FHIT: variants seen among roughly 807,000 people sequenced by gnomAD.
FHIT encodes the protein fragile histidine triad diadenosine triphosphatase.
FHIT carries 19 observed loss-of-function variants against 17.9 expected under a neutral mutation model. That is an observed-to-expected ratio of 1.06 (90% confidence interval 0.74 to 1.56). The LOEUF is 1.56. FHIT is among the 40% of genes most tolerant of loss of function. The pLI, the probability that FHIT is intolerant of heterozygous loss-of-function variation, is 0.00. For missense variants in FHIT, 248 were observed against 189.2 expected (o/e 1.31, Z -1.82); for synonymous variants, 81 against 69.7 (o/e 1.16, Z -0.81).
intron 2 of FHIT, among the ~76,000 whole-genome samples, chr3:61,106,045 C>A (rs746315456): frequency 4.6e-5 from 7 of 152,226 alleles, no homozygotes; most frequent in East Asian, 1.9e-4. Context: ...AGCTTTGGAA[C>A]CCCCTGATTA....
intron 7 of FHIT, among the ~76,000 whole-genome samples, chr3:60,010,792 C>T (rs982316459): frequency 4.6e-5 from 7 of 152,142 alleles, no homozygotes; most frequent in African/African-American, 1.7e-4. Context: ...CACTTAAAAA[C>T]CCATCTTTGA....
intron 5 of FHIT, among the ~76,000 whole-genome samples, chr3:60,491,419 GA>G (rs148375821): frequency 2.4e-4 from 35 of 145,128 alleles, no homozygotes; most frequent in Admixed American, 1.0e-3. Context: ...TAAACTGGGT[GA>G]AAAAAAAAAG....
rs372642685 is a variant in FHIT, at chr3:60,769,280, AG to A, written c.-18+52638del. On this transcript the variant is annotated intron_variant, in intron 4 of 9. Coordinates refer to ENST00000492590, the MANE Select transcript of FHIT (RefSeq NM_002012.4). ...CAGGCTGCAGAATGTTCTCTTAACT[AG>A]TGATTAATTATAGTGCTATTTTCCC... is the stretch of plus-strand genomic sequence containing the variant. Among the ~76,000 whole-genome samples, 817 of 152,242 alleles carry A rather than the reference AG, an allele frequency of 5.4e-3. 8 individuals carry two copies. The highest frequency in any genetic ancestry group is 0.018 in the African/African-American group (765 of 41,542).
At chr3:60,689,736 T>C (rs1220606798) in intron 4 of FHIT, among the ~76,000 whole-genome samples, 1 of 152,158 alleles carries the variant, frequency 6.6e-6, no homozygotes, top group Non-Finnish European at 1.5e-5. Context: ...AGTCTACCCC[T>C]AGAAAAATGA....
chr3:60,313,483 AT>A (rs1366104652), intron 5 of FHIT, among the ~76,000 whole-genome samples: 2 of 152,174 alleles, frequency 1.3e-5, no homozygotes, highest in African/African-American at 4.8e-5. Context: ...ACAAGATTCC[AT>A]CACCTATAAC....
At chr3:60,048,651 G>A (rs1272679986) in intron 5 of FHIT, among the ~76,000 whole-genome samples, 1 of 152,178 alleles carries the variant, frequency 6.6e-6, no homozygotes, top group African/African-American at 2.4e-5. Context: ...TCTGCTTTAT[G>A]AGGGCTTAAT....
rs116608253 is a variant in FHIT, at chr3:60,019,322, G to C, written c.104-5170C>G. ...TCAAAAGGGATATGGACACTAGGAA[G>C]TTCCAGGGATGTTTAAAAATTAACA... On this transcript the variant is annotated intron_variant, in intron 5 of 9. Transcript: ENST00000492590. 2.6e-3 allele frequency among the ~76,000 whole-genome samples: 389 copies of C among 151,978 alleles called. 2 individuals are homozygous for C. The highest frequency in any genetic ancestry group is 8.8e-3 in the African/African-American group (367 of 41,476).
chr3:60,172,655 G>A (rs1701472910), intron 5 of FHIT, among the ~76,000 whole-genome samples: 1 of 152,132 alleles, frequency 6.6e-6, no homozygotes, highest in Admixed American at 6.5e-5. Context: ...GGAAAGAACA[G>A]CAGGAACAGA....
chr3:59,869,746 A>G, intron 8 of FHIT, among the ~76,000 whole-genome samples: 1 of 151,280 alleles, frequency 6.6e-6, no homozygotes, highest in East Asian at 1.9e-4. Context: ...TCGGCCTCCC[A>G]AAGTGCTGGG....
At chr3:60,390,514 T>C (rs1435258027) in intron 5 of FHIT, among the ~76,000 whole-genome samples, 3 of 150,350 alleles carry the variant, frequency 2.0e-5, no homozygotes, top group Non-Finnish European at 2.9e-5. Flanking sequence ...GAAATAAAAA[T>C]GTAAAACGGC....
chr3:60,602,057 T>C (rs909791348), intron 4 of FHIT, among the ~76,000 whole-genome samples: 7 of 113,682 alleles, frequency 6.2e-5, no homozygotes, highest in East Asian at 1.9e-4. Flanking sequence ...GGAAGACAGA[T>C]AGAGTAAGCC....
intron 2 of FHIT, among the ~76,000 whole-genome samples, chr3:61,069,799 C>G (rs1225818813): frequency 1.3e-5 from 2 of 152,170 alleles, no homozygotes; most frequent in East Asian, 3.9e-4. Flanking sequence ...TGAACAAAGT[C>G]CTCTTCAAAA....
At chr3:60,789,317 T>C (rs892150237) in intron 4 of FHIT, among the ~76,000 whole-genome samples, 3 of 151,980 alleles carry the variant, frequency 2.0e-5, no homozygotes, top group South Asian at 2.1e-4. Flanking sequence ...AAGAGATCGA[T>C]ACCATCCTGG....
chr3:60,446,779 G>C (rs371933713), intron 5 of FHIT, among the ~76,000 whole-genome samples: 1 of 151,634 alleles, frequency 6.6e-6, no homozygotes, highest in Admixed American at 6.6e-5. Context: ...CTTGAGCCCA[G>C]GAGTTTGAGG....
chr3:60,476,749 T>C (rs1196252017), intron 5 of FHIT, among the ~76,000 whole-genome samples: 1 of 152,112 alleles, frequency 6.6e-6, no homozygotes, highest in East Asian at 1.9e-4. Flanking sequence ...GCTGACCATT[T>C]ATAAGGCGCA....
At chr3:59,795,160 C>A (rs1041223417) in intron 8 of FHIT, among the ~76,000 whole-genome samples, 1 of 152,032 alleles carries the variant, frequency 6.6e-6, no homozygotes, top group East Asian at 1.9e-4. Context: ...CTGAGGCATG[C>A]GGATTACTTG....
chr3:60,217,648 T>G (rs1239390799), intron 5 of FHIT, among the ~76,000 whole-genome samples: 1 of 152,122 alleles, frequency 6.6e-6, no homozygotes, highest in Non-Finnish European at 1.5e-5. Flanking sequence ...GGTCCCAGCT[T>G]CTCTCTGGCT....
At chr3:61,076,888 T>C (rs2034989211) in intron 2 of FHIT, among the ~76,000 whole-genome samples, 5 of 152,216 alleles carry the variant, frequency 3.3e-5, no homozygotes, top group Admixed American at 3.3e-4. Context: ...CTTTTGGTTC[T>C]TCATTCATTT....
intron 5 of FHIT, among the ~76,000 whole-genome samples, chr3:60,482,295 A>G (rs956037739): frequency 6.6e-6 from 1 of 151,952 alleles, no homozygotes; most frequent in African/African-American, 2.4e-5. Flanking sequence ...TATTCAGGAC[A>G]TAAACTCAGC....
Sources: allele counts gnomAD v4.1 joint callset (sites outside exome capture counted in the v4.1 genomes callset), GRCh38; gene constraint gnomAD v4.1.1; transcripts MANE v1.5; gene names NCBI Gene and HGNC (gene_info 2026-07-23, HGNC 2026-07-21).